The following BABAM2 variants were observed in gnomAD, a reference collection of about 807,000 sequenced individuals.
BABAM2 encodes BRISC and BRCA1 A complex member 2, also known as BRISC and BRCA1-A complex member 2.
In BABAM2, 31 loss-of-function variants were observed where a neutral mutation model predicts 54.7. The observed-to-expected ratio is 0.57, with a 90% CI of 0.43 to 0.77. BABAM2 has a LOEUF of 0.77. Ranked by LOEUF, BABAM2 falls within the 30% of genes least tolerant of loss-of-function variation. The pLI, the probability that BABAM2 is intolerant of heterozygous loss-of-function variation, is 0.00. For synonymous variants in BABAM2, 167 were observed against 162.9 expected, an observed-to-expected ratio of 1.03 and a Z score of -0.19; for missense variants, 364 against 455.8, an observed-to-expected ratio of 0.80 and a Z score of 1.83.
chr2:27,953,549 C>T (rs1410596666), intron 3 of BABAM2, among the ~76,000 whole-genome samples: 1 of 151,860 alleles, frequency 6.6e-6, no homozygotes, highest in African/African-American at 2.4e-5. Flanking sequence ...TCCTCGGCTT[C>T]CCAAAGTGCT....
At chr2:28,211,404 T>TTTTTTTTTGA (rs3032203) in intron 7 of BABAM2, among the ~76,000 whole-genome samples, 1 of 147,252 alleles carries the variant, frequency 6.8e-6, no homozygotes, top group African/African-American at 2.5e-5. Flanking sequence ...TTTTTTTTTT[T>TTTTTTTTTGA]GAGAAAGAGT....
At chr2:27,992,756 GC>G (rs1672869103) in intron 4 of BABAM2, among the ~76,000 whole-genome samples, 1 of 152,076 alleles carries the variant, frequency 6.6e-6, no homozygotes, top group African/African-American at 2.4e-5. Context: ...CTTCTCTTTT[GC>G]TCTTTTGCTC....
intron 7 of BABAM2, among the ~76,000 whole-genome samples, chr2:28,181,843 G>A (rs1675672201): frequency 6.6e-6 from 1 of 151,994 alleles, no homozygotes; most frequent in Admixed American, 6.6e-5. Context: ...TAGGGGTTGG[G>A]GTGGGAGTGC....
At chr2:28,210,209 G>T (rs1460562172) in intron 7 of BABAM2, among the ~76,000 whole-genome samples, 1 of 152,120 alleles carries the variant, frequency 6.6e-6, no homozygotes, top group Non-Finnish European at 1.5e-5. Flanking sequence ...CTGCTTTCCT[G>T]CCTTTTATTA....
Position 28,209,664 on chromosome 2 carries a change from G to A in BABAM2, c.681-27538G>A, listed in dbSNP as rs527587435. ...CTGGACACCCATGTGTCAGACACTC[G>A]TCCAGCCATTGAGAGTTCTGTATTC... On this transcript the variant is annotated intron_variant, in intron 7 of 11. Transcript: ENST00000379624. Among the ~76,000 whole-genome samples, 57 of 152,180 alleles carry A rather than the reference G, an allele frequency of 3.7e-4. 1 individual carries two copies. The highest frequency in any genetic ancestry group is 1.3e-3 in the African/African-American group (54 of 41,532).
intron 7 of BABAM2, among the ~76,000 whole-genome samples, chr2:28,141,918 T>C (rs1300125309): frequency 1.3e-5 from 2 of 152,338 alleles, no homozygotes; most frequent in Non-Finnish European, 2.9e-5. Context: ...GAAGGTATGT[T>C]ATGTCCACAG....
chr2:27,904,645 G>A (rs1666066703), intron 2 of BABAM2, among the ~76,000 whole-genome samples: 1 of 152,090 alleles, frequency 6.6e-6, no homozygotes. Context: ...ACAATGCAAG[G>A]TACAGAAGAA....
At chr2:28,117,764 G>T (rs1668730228) in intron 6 of BABAM2, among the ~76,000 whole-genome samples, 1 of 152,204 alleles carries the variant, frequency 6.6e-6, no homozygotes, top group African/African-American at 2.4e-5. Context: ...GAAGCTCTTT[G>T]AGGGGCTTTA....
chr2:27,894,466 T>G (rs1341880731), intron 1 of BABAM2, 67 bp from the exon 2 acceptor site: 9 of 1,475,820 alleles, frequency 6.1e-6, no homozygotes, highest in Non-Finnish European at 7.5e-6. Context: ...CTGTCCAGTT[T>G]TCAGGCAGAG....
intron 7 of BABAM2, among the ~76,000 whole-genome samples, chr2:28,232,898 A>C (rs191964904): frequency 6.6e-6 from 1 of 152,320 alleles, no homozygotes; most frequent in African/African-American, 2.4e-5. Flanking sequence ...GACAGTTCTT[A>C]CATTTGAGTT....
intron 2 of BABAM2, among the ~76,000 whole-genome samples, chr2:27,899,888 A>G (rs1166341365): frequency 6.6e-6 from 1 of 152,224 alleles, no homozygotes; most frequent in Non-Finnish European, 1.5e-5. Flanking sequence ...ACCTCTACCC[A>G]CATTCATAAA....
At chr2:28,239,910 TC>T (rs1682257131) in intron 8 of BABAM2, among the ~76,000 whole-genome samples, 1 of 152,116 alleles carries the variant, frequency 6.6e-6, no homozygotes, top group Admixed American at 6.5e-5. Context: ...ATTGGAGGGG[TC>T]TGGCTGTTGT....
At chr2:28,168,760 C>T (rs925280885) in intron 7 of BABAM2, among the ~76,000 whole-genome samples, 8 of 152,316 alleles carry the variant, frequency 5.3e-5, no homozygotes, top group African/African-American at 1.9e-4. Flanking sequence ...GACTTGAAAA[C>T]ATCAGGAAGA....
intron 3 of BABAM2, among the ~76,000 whole-genome samples, chr2:27,986,621 A>G (rs1450204390): frequency 1.3e-5 from 2 of 152,194 alleles, no homozygotes; most frequent in Non-Finnish European, 2.9e-5. Context: ...AGGGAGAGTC[A>G]TCATCATGTT....
At chr2:28,197,194 T>A (rs1677691732) in intron 7 of BABAM2, among the ~76,000 whole-genome samples, 1 of 152,026 alleles carries the variant, frequency 6.6e-6, no homozygotes, top group South Asian at 2.1e-4. Context: ...ACTATTTCAT[T>A]CTTCTGAGAA....
Position 27,974,268 on chromosome 2 carries a change from G to A in BABAM2, c.206-13725G>A, listed in dbSNP as rs139325422. On this transcript the variant is annotated intron_variant, in intron 3 of 11. Transcript: ENST00000379624. ...AAACAAACAAACAAACTATAGGCCA[G>A]TATCCCTCATTTGAACAAAGAAGTA... 2.8e-3 allele frequency among the ~76,000 whole-genome samples: 432 copies of A among 152,086 alleles called. 2 individuals carry two copies. Among genetic ancestry groups the A allele is most frequent in the African/African-American group, 0.01 (419 of 41,482 alleles).
At chr2:27,942,534 ATTT>A (rs544430660) in intron 3 of BABAM2, among the ~76,000 whole-genome samples, 2 of 136,020 alleles carry the variant, frequency 1.5e-5, no homozygotes, top group Admixed American at 7.4e-5. Context: ...TAATTTTTGC[ATTT>A]TTTTTTTTTT....
At chr2:27,891,757 C>T (rs1664868272) in intron 1 of BABAM2, among the ~76,000 whole-genome samples, 1 of 139,850 alleles carries the variant, frequency 7.2e-6, no homozygotes, top group South Asian at 2.2e-4. Flanking sequence ...GATTTTAATA[C>T]TGCGTGAAAC....
At chr2:28,110,682 T>G (rs1468255493) in intron 6 of BABAM2, among the ~76,000 whole-genome samples, 1 of 151,832 alleles carries the variant, frequency 6.6e-6, no homozygotes, top group African/African-American at 2.4e-5. Flanking sequence ...TGCAGATAGC[T>G]CTTTAGGATC....
Sources: allele counts gnomAD v4.1 joint callset (sites outside exome capture counted in the v4.1 genomes callset), GRCh38; gene constraint gnomAD v4.1.1; transcripts MANE v1.5; gene names NCBI Gene and HGNC (gene_info 2026-07-23, HGNC 2026-07-21).